The following TIAM2 variants were observed in gnomAD, a reference collection of about 807,000 sequenced individuals.
The protein encoded by TIAM2 is rho guanine nucleotide exchange factor TIAM2.
TIAM2 carries 80 observed loss-of-function variants against 152.9 expected under a neutral mutation model. That is an observed-to-expected ratio of 0.52 (90% CI 0.44 to 0.63). The LOEUF is 0.63. Ranked by LOEUF, TIAM2 falls within the 30% of genes least tolerant of loss-of-function variation. TIAM2 has a pLI of 0.00. For missense variants in TIAM2, 1,965 were observed against 2,120.1 expected, an observed-to-expected ratio of 0.93 and a Z score of 1.44; for synonymous variants, 804 against 838.0, an observed-to-expected ratio of 0.96 and a Z score of 0.70.
intron 7 of TIAM2, among the ~76,000 whole-genome samples, chr6:155,163,568 G>T (rs905848840): frequency 1.4e-4 from 21 of 152,176 alleles, no homozygotes; most frequent in Admixed American, 1.2e-3. Flanking sequence ...ACAGATGGCA[G>T]TTATTCTCCA....
At chr6:155,181,469 A>G (rs1032544429) in intron 12 of TIAM2, among the ~76,000 whole-genome samples, 2 of 152,212 alleles carry the variant, frequency 1.3e-5, no homozygotes, top group South Asian at 2.1e-4. Context: ...TAATTGTGGT[A>G]ATAGACATAT....
intron 1 of TIAM2, among the ~76,000 whole-genome samples, chr6:155,075,225 T>TTGAAAATATTTGAAAATATTTGAAA (rs1777928921): frequency 6.6e-6 from 1 of 152,146 alleles, no homozygotes; most frequent in African/African-American, 2.4e-5. Context: ...TTATTAATAG[T>TTGAAAATATTTGAAAATATTTGAAA]ACAGAATGTT....
At chr6:155,028,250 T>C (rs1043537783) in intron 1 of TIAM2, among the ~76,000 whole-genome samples, 1 of 131,656 alleles carries the variant, frequency 7.6e-6, no homozygotes, top group African/African-American at 2.7e-5. Flanking sequence ...ATATGTACTG[T>C]GTTACATATA....
At chr6:155,029,593 A>ATATAGTTATATAGT (rs1776776372) in intron 1 of TIAM2, among the ~76,000 whole-genome samples, 1 of 72,666 alleles carries the variant, frequency 1.4e-5, no homozygotes, top group African/African-American at 6.0e-5. Flanking sequence ...ACTATATAGT[A>ATATAGTTATATAGT]TATATAGTTA....
chr6:155,101,870 T>A (rs1273309755), intron 2 of TIAM2, among the ~76,000 whole-genome samples: 1 of 152,022 alleles, frequency 6.6e-6, no homozygotes, highest in Non-Finnish European at 1.5e-5. Context: ...CCTGGCTATT[T>A]TTTGTATTTT....
intron 26 of TIAM2, chr6:155,254,976 T>G (rs1783907371): frequency 6.2e-6 from 1 of 160,724 alleles, no homozygotes; most frequent in African/African-American, 2.4e-5. Flanking sequence ...ACCTACAATT[T>G]TTCGACTTTA....
At chr6:155,008,208 A>G (rs534713017) in intron 1 of TIAM2, among the ~76,000 whole-genome samples, 14 of 152,324 alleles carry the variant, frequency 9.2e-5, no homozygotes, top group African/African-American at 3.4e-4. Context: ...GATAGATGAT[A>G]ATATGACACA....
chr6:155,172,597 A>G (rs568521068), intron 9 of TIAM2, among the ~76,000 whole-genome samples: 17 of 128,708 alleles, frequency 1.3e-4, no homozygotes, highest in African/African-American at 4.4e-4. Context: ...TTCTGTCTCC[A>G]TTTGCATTCT....
chr6:155,179,574 G>A (rs1476685533), intron 12 of TIAM2, 118 bp downstream of exon 12: 2 of 884,218 alleles, frequency 2.3e-6, no homozygotes, highest in African/African-American at 1.7e-5. Context: ...ATATATGACA[G>A]TAGTTTCTGA....
At chr6:155,158,338 A>T (rs1006086551) in intron 7 of TIAM2, among the ~76,000 whole-genome samples, 3 of 152,220 alleles carry the variant, frequency 2.0e-5, no homozygotes, top group African/African-American at 2.4e-5. Context: ...AAATCAGTAA[A>T]GCTGTGTTAG....
In TIAM2 at chr6:155,249,270, T is replaced by C. The variant is rs151020539; in HGVS notation, c.3833-581T>C. On this transcript the variant is annotated intron_variant, in intron 20 of 26. Transcript: ENST00000682666. The stretch of plus-strand genomic sequence containing the variant: ...CGCGGAAAGTTATGAACATATACCA[T>C]ATATAAATGCAAACAATTGTTCTGT... 2.6e-3 allele frequency among the ~76,000 whole-genome samples: 395 copies of C among 152,334 alleles called. 1 individual carries two copies. Among genetic ancestry groups the C allele is most frequent in the African/African-American group, 9.1e-3 (378 of 41,566 alleles).
chr6:155,098,290 A>G (rs1289275277), intron 2 of TIAM2, among the ~76,000 whole-genome samples: 1 of 152,072 alleles, frequency 6.6e-6, no homozygotes, highest in Non-Finnish European at 1.5e-5. Flanking sequence ...AACAATATTA[A>G]TTCTTCCAAG....
chr6:155,213,805 G>T lies in TIAM2; in HGVS notation c.3168+2498G>T, dbSNP rs142995536. ...ATTGGTGCCCAAAGTACAGCAGGGG[G>T]CTGGCATGTCAGCGCTGCCCTGAAC... On this transcript the variant is annotated intron_variant, in intron 15 of 26. Transcript: ENST00000682666. The surrounding 1 kb of genome is among the most constrained non-coding windows in gnomAD (Gnocchi z 4.2). 2.0e-5 allele frequency among the ~76,000 whole-genome samples: 3 copies of T among 152,236 alleles called. No individual in the cohort carries two copies. Among genetic ancestry groups the T allele is most frequent in the Non-Finnish European group, 4.4e-5 (3 of 68,048 alleles).
At chr6:155,188,379 G>A (rs1480370145) in intron 14 of TIAM2, among the ~76,000 whole-genome samples, 1 of 152,234 alleles carries the variant, frequency 6.6e-6, no homozygotes, top group African/African-American at 2.4e-5. Context: ...GAGAATCGTT[G>A]AGGGTTCAGT....
intron 2 of TIAM2, among the ~76,000 whole-genome samples, chr6:155,092,456 A>C (rs189563443): frequency 6.6e-6 from 1 of 152,236 alleles, no homozygotes; most frequent in East Asian, 1.9e-4. Context: ...GGGATAATAA[A>C]ATTTTCCTTG....
intron 19 of TIAM2, 23 bp downstream of exon 19, chr6:155,245,754 A>ATTTTTT (rs780216593): frequency 9.8e-4 from 551 of 561,986 alleles, no homozygotes; most frequent in Non-Finnish European, 1.2e-3. Flanking sequence ...TGCCTTTTAT[A>ATTTTTT]GTTTTTTTTT....
chr6:155,062,071 C>T (rs1020758834), intron 1 of TIAM2, among the ~76,000 whole-genome samples: 7 of 151,428 alleles, frequency 4.6e-5, no homozygotes, highest in South Asian at 2.1e-4. Context: ...CCCTCGCCAC[C>T]GCCCCTGCAT....
At chr6:155,184,016 T>C (rs997653540) in intron 14 of TIAM2, among the ~76,000 whole-genome samples, 2 of 151,882 alleles carry the variant, frequency 1.3e-5, no homozygotes, top group African/African-American at 2.4e-5. Flanking sequence ...TGAGACAGAG[T>C]CTCACTCTGT....
intron 7 of TIAM2, among the ~76,000 whole-genome samples, chr6:155,149,837 C>T (rs1779908329): frequency 6.6e-6 from 1 of 151,540 alleles, no homozygotes; most frequent in Admixed American, 6.6e-5. Flanking sequence ...GCAGGAGAAT[C>T]GCTTGAACCT....
Sources: allele counts gnomAD v4.1 joint callset (sites outside exome capture counted in the v4.1 genomes callset), GRCh38; gene constraint gnomAD v4.1.1; non-coding constraint Gnocchi (gnomAD v3.1); transcripts MANE v1.5; gene names NCBI Gene and HGNC (gene_info 2026-07-23, HGNC 2026-07-21).